CUBN: variants seen among roughly 807,000 people sequenced by gnomAD.
CUBN encodes cubilin.
A neutral mutation model predicts 405.3 loss-of-function variants in CUBN; 282 were observed. That is an observed-to-expected ratio of 0.70 (90% CI 0.63 to 0.77). The LOEUF is 0.77. CUBN is among the 30% of genes least tolerant of loss of function. The pLI, the probability that CUBN is intolerant of heterozygous loss-of-function variation, is 0.00. For missense variants in CUBN, 4,514 were observed against 4,475.2 expected (o/e 1.01, Z -0.25); for synonymous variants, 1,684 against 1,617.0 (o/e 1.04, Z -0.99).
At chr10:17,053,756 T>G (rs1174829950) in intron 22 of CUBN, among the ~76,000 whole-genome samples, 1 of 152,108 alleles carries the variant, frequency 6.6e-6, no homozygotes, top group South Asian at 2.1e-4. Context: ...ACTTAATAAC[T>G]GCAGACAACA....
intron 59 of CUBN, among the ~76,000 whole-genome samples, chr10:16,854,634 T>C (rs999239683): frequency 3.3e-5 from 5 of 152,168 alleles, no homozygotes; most frequent in African/African-American, 1.2e-4. Flanking sequence ...CTATTAATCA[T>C]CAGCTTCAAA....
intron 13 of CUBN, among the ~76,000 whole-genome samples, chr10:17,102,431 C>T (rs1019282597): frequency 4.0e-5 from 6 of 148,858 alleles, no homozygotes; most frequent in African/African-American, 1.5e-4. Flanking sequence ...AGATTAAAGG[C>T]ACCCATCACC....
intron 42 of CUBN, 35 bp from the exon 43 acceptor site, chr10:16,925,459 T>C (rs748722923): frequency 6.2e-7 from 1 of 1,606,236 alleles, no homozygotes; most frequent in South Asian, 1.1e-5. Context: ...TCAACTCCTT[T>C]ACATTGCAAA....
At chr10:17,020,452 C>A (rs1047974525) in intron 27 of CUBN, among the ~76,000 whole-genome samples, 3 of 152,092 alleles carry the variant, frequency 2.0e-5, no homozygotes, top group African/African-American at 7.2e-5. Flanking sequence ...ATAATAATCA[C>A]ATCATAGAAA....
intron 54 of CUBN, among the ~76,000 whole-genome samples, chr10:16,891,986 T>C (rs1471546794): frequency 6.6e-6 from 1 of 152,178 alleles, no homozygotes; most frequent in East Asian, 1.9e-4. Context: ...TTCAACATTT[T>C]CTTCACATGG....
chr10:16,883,806 G>A (rs1190878127), intron 56 of CUBN, among the ~76,000 whole-genome samples: 5 of 152,108 alleles, frequency 3.3e-5, no homozygotes, highest in Non-Finnish European at 7.3e-5. Flanking sequence ...TCCACCTCAC[G>A]AGCTAAGCGC....
At chr10:17,037,782 G>A (rs1357175323) in intron 27 of CUBN, among the ~76,000 whole-genome samples, 5 of 152,140 alleles carry the variant, frequency 3.3e-5, no homozygotes, top group Non-Finnish European at 7.4e-5. Context: ...CTAGACTTCA[G>A]TCTACACTCA....
At chr10:16,947,194 T>G in intron 36 of CUBN, 41 bp downstream of exon 36, 1 of 1,608,652 alleles carries the variant, frequency 6.2e-7, no homozygotes, top group Non-Finnish European at 8.5e-7. Flanking sequence ...TTCCTACAGA[T>G]TCATTAGCAC....
chr10:16,909,988 T>G (rs1564418335), intron 48 of CUBN, among the ~76,000 whole-genome samples: 1 of 152,228 alleles, frequency 6.6e-6, no homozygotes, highest in Admixed American at 6.5e-5. Context: ...AGCAGTGCAA[T>G]GAAAGTTAAA....
chr10:16,998,533 T>A (rs1278228340), intron 28 of CUBN, among the ~76,000 whole-genome samples: 2 of 152,226 alleles, frequency 1.3e-5, no homozygotes, highest in Admixed American at 1.3e-4. Flanking sequence ...AACAAATTTC[T>A]GTTGTCCCAT....
At chr10:16,966,561 G>T (rs892096998) in intron 31 of CUBN, among the ~76,000 whole-genome samples, 1 of 151,934 alleles carries the variant, frequency 6.6e-6, no homozygotes, top group Non-Finnish European at 1.5e-5. Context: ...CAATTCTCAT[G>T]TCTCAGCCTC....
intron 28 of CUBN, among the ~76,000 whole-genome samples, chr10:17,016,456 C>A (rs1170240034): frequency 1.3e-5 from 2 of 152,196 alleles, no homozygotes; most frequent in African/African-American, 2.4e-5. Flanking sequence ...AAGCCACATT[C>A]TTTTCATTAA....
rs1300235834 is a variant in CUBN, at chr10:16,900,774, G to A, written c.8261C>T (p.Ser2754Phe). The A allele has an allele frequency of 1.2e-6, 2 of 1,614,044 alleles. No individual in the cohort carries two copies. Among genetic ancestry groups the A allele is most frequent in the Non-Finnish European group, 1.7e-6 (2 of 1,179,960 alleles). ...WDSVTVRNGG[S>F]PESPIIGQYC... is the part of the protein sequence containing the mutation. ...TTGTCCTATGATGGGTGATTCAGGG[G>A]ACCCACCATTCCTGACAGTGACAGA... The change falls in exon 53 of 67, where the codon TCC (serine) becomes TTC (phenylalanine). Residue 2754 changes from serine to phenylalanine, a missense_variant. Physicochemically the swap from Ser to Phe is radical, Grantham distance 155 (BLOSUM62 -2). Coordinates refer to ENST00000377833, the MANE Select transcript of CUBN (RefSeq NM_001081.4).
chr10:16,836,350 G>T lies in CUBN; in HGVS notation c.10065C>A (p.Gly3355=), dbSNP rs775651392. 6.2e-7 allele frequency: 1 copy of T among 1,613,968 alleles called. No homozygotes were observed. The highest frequency in any genetic ancestry group is 2.2e-5 in the East Asian group (1 of 44,890). The change falls in exon 63 of 67, where the codon GGC becomes GGA. Residue 3355 remains glycine, a synonymous_variant. Coordinates refer to ENST00000377833, the MANE Select transcript of CUBN (RefSeq NM_001081.4). ...ACACTGGCACAGCCGAAGCATTTCT[G>T]CCACAGAACTGAAATCTTGAATTTC... The part of the protein sequence containing the change: ...GHGNSRFQFC[G]RNASAVPVFY...
At chr10:16,915,010 T>A (rs778795711) in intron 47 of CUBN, 22 bp downstream of exon 47, 4 of 1,609,354 alleles carry the variant, frequency 2.5e-6, no homozygotes. Context: ...CAATGTTGTG[T>A]TGAATGAATC....
intron 19 of CUBN, 33 bp downstream of exon 19, chr10:17,071,393 C>T: frequency 6.2e-7 from 1 of 1,605,192 alleles, no homozygotes; most frequent in Non-Finnish European, 8.5e-7. Context: ...AATATACAAC[C>T]AAATACAAAT....
At chr10:16,877,970 T>G (rs1308289439) in intron 56 of CUBN, among the ~76,000 whole-genome samples, 1 of 152,206 alleles carries the variant, frequency 6.6e-6, no homozygotes, top group Non-Finnish European at 1.5e-5. Flanking sequence ...CATGCATTTG[T>G]ATGTGATTAA....
chr10:17,114,770 G>A (rs1210564375), intron 7 of CUBN, among the ~76,000 whole-genome samples: 2 of 152,182 alleles, frequency 1.3e-5, no homozygotes. Context: ...TGGGGAGTGG[G>A]CTCTTAGAGT....
chr10:17,047,341 A>T lies in CUBN; in HGVS notation c.3329+73T>A. On this transcript the variant is annotated intron_variant, in intron 23 of 66. Transcript: ENST00000377833. ...AGAGAATTTCCATATTTTTTTCCTT[A>T]ATCTTCCTAGGAAAGATTATTAATG... 6 of 1,279,262 alleles carry T rather than the reference A, an allele frequency of 4.7e-6. No homozygotes were observed. In the Admixed American group the frequency reaches 7.9e-5, roughly 17 times the overall value. 79.2% of individuals were successfully genotyped at this position (1,279,262 alleles called of 1,614,324 possible).
Sources: gnomAD v4.1 joint callset for allele counts (sites outside exome capture counted in the v4.1 genomes callset) on GRCh38, gnomAD v4.1.1 for gene constraint, MANE v1.5 for transcripts, NCBI Gene and HGNC (gene_info 2026-07-23, HGNC 2026-07-21) for gene names.